CPO: variants seen among roughly 807,000 people sequenced by gnomAD.
CPO encodes carboxypeptidase O, also known as metallocarboxypeptidase C.
Under a neutral mutation model 41.2 loss-of-function variants are expected in CPO, and 43 were observed. The ratio of observed to expected loss-of-function variants is 1.04; its 90% CI spans 0.82 to 1.35. The LOEUF (loss-of-function observed/expected upper bound fraction) is 1.35, where lower values mean the gene tolerates loss of function less well. CPO is among the 40% of genes most tolerant of loss of function. CPO has a pLI of 0.00. For missense variants in CPO, 408 were observed against 451.7 expected (o/e 0.90, Z 0.88); for synonymous variants, 178 against 162.7 (o/e 1.09, Z -0.72).
chr2:206,966,047 C>A lies in CPO; in HGVS notation c.778-2216C>A, dbSNP rs527883658. Among the ~76,000 whole-genome samples the A allele has an allele frequency of 1.8e-3, 270 of 152,122 alleles. 2 individuals carry two copies. The highest frequency in any genetic ancestry group is 6.3e-3 in the African/African-American group (260 of 41,492). On this transcript the variant is annotated intron_variant, in intron 7 of 8. Transcript: ENST00000272852. Reference sequence around the variant, plus strand: ...TCTATCTCTTACTCCTCTCTGCTTCCGCATAGTAATTCCTCATGGAATTAT... The same window carrying A: ...TCTATCTCTTACTCCTCTCTGCTTCAGCATAGTAATTCCTCATGGAATTAT...
chr2:206,953,931 C>T (rs1693312876), intron 2 of CPO, among the ~76,000 whole-genome samples: 1 of 152,212 alleles, frequency 6.6e-6, no homozygotes. Context: ...GGGCTTTCAC[C>T]CTCTGAAGCC....
At chr2:206,967,336 T>TAG (rs1451540606) in intron 7 of CPO, among the ~76,000 whole-genome samples, 2 of 80,236 alleles carry the variant, frequency 2.5e-5, no homozygotes, top group African/African-American at 4.6e-5. Flanking sequence ...AAATGCTATA[T>TAG]ATATATATAT....
At chr2:206,959,838 T>C in intron 5 of CPO, 97 bp downstream of exon 5, 1 of 586,740 alleles carries the variant, frequency 1.7e-6, no homozygotes. Flanking sequence ...CTAAAAATAT[T>C]TCATACCTAT....
In CPO at chr2:206,962,527, G is replaced by A. The variant is rs376177466; in HGVS notation, c.690G>A (p.Leu230=). 16 of 1,614,076 alleles carry A rather than the reference G, an allele frequency of 9.9e-6. No homozygotes were observed. The highest frequency in any genetic ancestry group is 1.4e-5 in the Non-Finnish European group (16 of 1,179,988). ...TAGAGAGCAAGAAGGATGATATTTT[G>A]TGCTTCCTGACCATGCACTCTTATG... The part of the protein sequence containing the change: ...SFIESKKDDI[L]CFLTMHSYGQ... Residue 230 remains leucine, a synonymous_variant, in exon 7 of 9, where the codon TTG becomes TTA. Coordinates refer to ENST00000272852, the MANE Select transcript of CPO (RefSeq NM_173077.3).
chr2:206,950,618 C>G (rs1211363391), intron 2 of CPO, among the ~76,000 whole-genome samples: 7 of 152,152 alleles, frequency 4.6e-5, no homozygotes, highest in Non-Finnish European at 8.8e-5. Context: ...ATGATAAAGA[C>G]ACATGCACAT....
At chr2:206,950,144 G>A (rs983374734) in intron 2 of CPO, among the ~76,000 whole-genome samples, 2 of 152,150 alleles carry the variant, frequency 1.3e-5, no homozygotes, top group Non-Finnish European at 2.9e-5. Flanking sequence ...GACACATGCA[G>A]TAGTTCTCAA....
chr2:206,958,232 C>A (rs1158237610), intron 3 of CPO, 69 bp from the exon 4 acceptor site: 6 of 813,626 alleles, frequency 7.4e-6, no homozygotes, highest in Non-Finnish European at 1.1e-5. Context: ...TTAAAAATCT[C>A]ATAACTTTGC....
At chr2:206,958,969 G>A (rs1360597026) in intron 4 of CPO, among the ~76,000 whole-genome samples, 1 of 151,842 alleles carries the variant, frequency 6.6e-6, no homozygotes, top group Non-Finnish European at 1.5e-5. Flanking sequence ...TGGAACCCCC[G>A]ACCTCAGGTG....
At chr2:206,965,432 A>C (rs1408278936) in intron 7 of CPO, among the ~76,000 whole-genome samples, 1 of 152,202 alleles carries the variant, frequency 6.6e-6, no homozygotes, top group African/African-American at 2.4e-5. Context: ...TACAAAAACC[A>C]AAAGTTTATA....
chr2:206,952,774 A>C (rs115820981), intron 2 of CPO, among the ~76,000 whole-genome samples: 1 of 152,320 alleles, frequency 6.6e-6, no homozygotes, highest in African/African-American at 2.4e-5. Flanking sequence ...GTCTGTTCTC[A>C]TGCTGCTGTA....
chr2:206,943,674 T>TGATAGATAGATAGATA (rs71987761), intron 1 of CPO, among the ~76,000 whole-genome samples: 2 of 106,628 alleles, frequency 1.9e-5, no homozygotes, highest in East Asian at 2.9e-4. Context: ...GATAGATAGA[T>TGATAGATAGATAGATA]GATAGATAGA....
intron 1 of CPO, among the ~76,000 whole-genome samples, chr2:206,947,048 A>G (rs1310067349): frequency 6.6e-6 from 1 of 152,188 alleles, no homozygotes; most frequent in African/African-American, 2.4e-5. Flanking sequence ...ATAGCAAGTT[A>G]CTTTGTGGTT....
intron 3 of CPO, among the ~76,000 whole-genome samples, chr2:206,957,104 G>A (rs1359866236): frequency 1.3e-5 from 2 of 152,094 alleles, no homozygotes; most frequent in African/African-American, 4.8e-5. Context: ...ATTGGCGGGT[G>A]CGGTGGCTCA....
chr2:206,941,796 T>C (rs1444681983), intron 1 of CPO, among the ~76,000 whole-genome samples: 2 of 152,148 alleles, frequency 1.3e-5, no homozygotes, highest in Non-Finnish European at 2.9e-5. Flanking sequence ...TTAATAAAGA[T>C]TACAAGCTTT....
Position 206,949,877 on chromosome 2 carries a change from C to T in CPO, c.165+164C>T, listed in dbSNP as rs565258016. 3.9e-5 allele frequency among the ~76,000 whole-genome samples: 6 copies of T among 152,186 alleles called. No homozygotes were observed. The East Asian group carries it at 5.8e-4, about 15-fold the overall frequency. ...AGGGATTCCTGAACATCTCCCCACCCGCCACCACCATTGAAGCTGTAAAAG... is the reference window on the plus strand; with the variant it reads ...AGGGATTCCTGAACATCTCCCCACCTGCCACCACCATTGAAGCTGTAAAAG... On this transcript the variant is annotated intron_variant, in intron 2 of 8. Transcript: ENST00000272852.
At chr2:206,943,736 A>AGAT (rs1156453374) in intron 1 of CPO, among the ~76,000 whole-genome samples, 70 of 83,246 alleles carry the variant, frequency 8.4e-4, no homozygotes, top group Middle Eastern at 6.5e-3. Context: ...GATGATAGAT[A>AGAT]GATAGATAGA....
chr2:206,948,914 C>A (rs1021519874), intron 1 of CPO, among the ~76,000 whole-genome samples: 20 of 152,172 alleles, frequency 1.3e-4, no homozygotes, highest in Non-Finnish European at 2.4e-4. Context: ...TGATTCTAAC[C>A]AATGTACCAC....
intron 5 of CPO, among the ~76,000 whole-genome samples, chr2:206,960,541 C>T (rs551537875): frequency 5.9e-5 from 9 of 152,222 alleles, no homozygotes; most frequent in South Asian, 2.1e-4. Context: ...CCAAAGCAAA[C>T]GTTCCCTGAG....
intron 2 of CPO, among the ~76,000 whole-genome samples, chr2:206,950,177 T>G (rs1371096245): frequency 6.6e-6 from 1 of 152,196 alleles, no homozygotes; most frequent in East Asian, 1.9e-4. Flanking sequence ...TTTTAAAATT[T>G]TTATAATCTG....
Sources: allele counts gnomAD v4.1 joint callset (sites outside exome capture counted in the v4.1 genomes callset), GRCh38; gene constraint gnomAD v4.1.1; transcripts MANE v1.5; gene names NCBI Gene and HGNC (gene_info 2026-07-23, HGNC 2026-07-21).